Variants in MORN1 observed in about 807,000 individuals in gnomAD.
The protein encoded by MORN1 is MORN repeat-containing protein 1.
MORN1 carries 67 observed loss-of-function variants against 61.9 expected under a neutral mutation model. The observed-to-expected ratio is 1.08, with a 90% CI of 0.89 to 1.33. The LOEUF (loss-of-function observed/expected upper bound fraction) is 1.33, where lower values mean the gene tolerates loss of function less well. Ranked by LOEUF, MORN1 falls within the 40% of genes most tolerant of loss-of-function variation. The pLI is 0.00. For missense variants in MORN1, 752 were observed against 691.2 expected, an observed-to-expected ratio of 1.09 and a Z score of -0.99; for synonymous variants, 301 against 292.0, an observed-to-expected ratio of 1.03 and a Z score of -0.31.
At chr1:2,340,942 C>A (rs553985149) in intron 10 of MORN1, among the ~76,000 whole-genome samples, 1 of 152,370 alleles carries the variant, frequency 6.6e-6, no homozygotes, top group African/African-American at 2.4e-5. Flanking sequence ...AAACATGGGG[C>A]CCATAGTGCA....
chr1:2,336,978 C>A, intron 10 of MORN1, 128 bp from the exon 11 acceptor site: 1 of 1,115,078 alleles, frequency 9.0e-7, no homozygotes. Flanking sequence ...GCGATGCCAT[C>A]TTGGTGGGGG....
At chr1:2,331,855 C>G (rs142944634) in intron 12 of MORN1, among the ~76,000 whole-genome samples, 9,392 of 99,216 alleles carry the variant, frequency 0.095, 11 homozygotes, top group South Asian at 0.11. Flanking sequence ...CTCTCCCGCC[C>G]CTGCGCCTCT....
chr1:2,345,250 G>A (rs1487801570), intron 10 of MORN1, among the ~76,000 whole-genome samples: 1 of 152,246 alleles, frequency 6.6e-6, no homozygotes, highest in Non-Finnish European at 1.5e-5. Context: ...GGGTCTGTCT[G>A]TGCCCCGGCA....
intron 8 of MORN1, among the ~76,000 whole-genome samples, chr1:2,362,325 G>C (rs147203404): frequency 1.3e-5 from 2 of 152,210 alleles, no homozygotes. Flanking sequence ...ACACTGAGGA[G>C]GAGGAGGAAG....
At position 2,327,859 on chromosome 1, in the gene MORN1, A is replaced by T. The variant is rs564214774; in HGVS notation, c.1251-3716T>A. Among the ~76,000 whole-genome samples, 50 of 152,378 alleles carry T rather than the reference A, an allele frequency of 3.3e-4. No individual in the cohort carries two copies. In the South Asian group the frequency reaches 8.5e-3, roughly 26 times the overall value. Reference sequence around the variant, plus strand: ...CTGACGGGTGAGGGCCGCTTTCCCAAGGCCCCGCATCGCGCCTCGGCGTCC... The same window carrying T: ...CTGACGGGTGAGGGCCGCTTTCCCATGGCCCCGCATCGCGCCTCGGCGTCC... On this transcript the variant is annotated intron_variant, in intron 12 of 13. Transcript: ENST00000378531.
chr1:2,330,338 G>A (rs1172745383), intron 12 of MORN1, among the ~76,000 whole-genome samples: 1 of 152,230 alleles, frequency 6.6e-6, no homozygotes, highest in East Asian at 1.9e-4. Flanking sequence ...GGTGGCTGCT[G>A]GCTCCAAGGC....
At chr1:2,345,785 T>G (rs974229670) in intron 10 of MORN1, among the ~76,000 whole-genome samples, 2 of 151,970 alleles carry the variant, frequency 1.3e-5, no homozygotes, top group Non-Finnish European at 2.9e-5. Flanking sequence ...TCACAGGCCC[T>G]GCCAGGGGAA....
intron 10 of MORN1, among the ~76,000 whole-genome samples, chr1:2,349,177 T>C (rs1641595575): frequency 6.6e-6 from 1 of 152,152 alleles, no homozygotes; most frequent in African/African-American, 2.4e-5. Context: ...ACTGAATTGT[T>C]CCAGGCGGGA....
chr1:2,344,127 T>A lies in MORN1; in HGVS notation c.1037-7277A>T, dbSNP rs190390244. The stretch of plus-strand genomic sequence containing the variant: ...CACCAGAATCAGGCCACAAATGCCC[T>A]ACAAAGCAGAGAATGTGAGTCCCCA... On this transcript the variant is annotated intron_variant, in intron 10 of 13. Transcript: ENST00000378531. Among the ~76,000 whole-genome samples, 33 of 152,292 alleles carry A rather than the reference T, an allele frequency of 2.2e-4. No homozygotes were observed. In the East Asian group the frequency reaches 3.7e-3, roughly 17 times the overall value.
chr1:2,390,772 T>C (rs1642633723), intron 1 of MORN1: 39 of 977,860 alleles, frequency 4.0e-5, no homozygotes, highest in Non-Finnish European at 4.6e-5. Context: ...TTTTTGAGAC[T>C]GAGTCTTGCT....
chr1:2,343,769 C>A (rs1175460842), intron 10 of MORN1, among the ~76,000 whole-genome samples: 1 of 152,222 alleles, frequency 6.6e-6, no homozygotes, highest in Non-Finnish European at 1.5e-5. Context: ...TTCCCGGGGA[C>A]TGGCTGCCTC....
At position 2,321,404 on chromosome 1, in the gene MORN1, TG is replaced by T; in HGVS notation, c.1472del (p.Pro491GlnfsTer19). 1 of 1,534,650 alleles carries T rather than the reference TG, an allele frequency of 6.5e-7. No individual in the cohort carries two copies. The highest frequency in any genetic ancestry group is 8.8e-7 in the Non-Finnish European group (1 of 1,140,112). On this transcript the variant is annotated frameshift_variant, in exon 14 of 14. Coordinates refer to ENST00000378531, the MANE Select transcript of MORN1 (RefSeq NM_024848.3). LOFTEE classifies it high-confidence loss of function. ...SSWQAAHSCT[P>X]EPPAPR ...GGCCTCACCGAGGCGCTGGCGGCTCTGGGGTGCAGCTGTGGGCGGCCTGCCA... is the reference window on the plus strand; with the variant it reads ...GGCCTCACCGAGGCGCTGGCGGCTCTGGGTGCAGCTGTGGGCGGCCTGCCA...
Position 2,385,048 on chromosome 1 carries a change from T to A in MORN1, c.467A>T (p.Asp156Val), listed in dbSNP as rs1343161316. Residue 156 changes from aspartate to valine, a missense_variant, in exon 6 of 14, where the codon GAC becomes GTC. By Grantham distance (152) the Asp-to-Val change is radical. Transcript: ENST00000378531. ...ACGCCGGTCCCGGACCCAGTCGCCG[T>A]CGTACTTGTCACCGTTCCTGGGGGA... Reference protein sequence around the residue: ...QMLFQNGDKYDGDWVRDRRQG... With the variant: ...QMLFQNGDKYVGDWVRDRRQG... The A allele has an allele frequency of 1.3e-6, 2 of 1,596,286 alleles. No individual in the cohort carries two copies. Among genetic ancestry groups the A allele is most frequent in the South Asian group, 1.1e-5 (1 of 88,272 alleles).
intron 3 of MORN1, chr1:2,387,814 T>C: frequency 2.2e-6 from 1 of 458,376 alleles, no homozygotes; most frequent in Non-Finnish European, 4.0e-6. Context: ...GGGTGAGGTT[T>C]TTCCCTGGCT....
At chr1:2,381,891 C>T (rs1642379178) in intron 6 of MORN1, among the ~76,000 whole-genome samples, 1 of 152,230 alleles carries the variant, frequency 6.6e-6, no homozygotes, top group South Asian at 2.1e-4. Context: ...AGGCCCGGGC[C>T]AGTGTGGTGC....
At chr1:2,325,279 C>G (rs1459590390) in intron 12 of MORN1, among the ~76,000 whole-genome samples, 1 of 101,586 alleles carries the variant, frequency 9.8e-6, no homozygotes, top group Non-Finnish European at 1.9e-5. Flanking sequence ...CTCTCTTTCT[C>G]TCTCTCTCCT....
intron 6 of MORN1, chr1:2,376,735 G>C (rs1481441276): frequency 6.6e-6 from 1 of 152,216 alleles, no homozygotes; most frequent in Non-Finnish European, 1.5e-5. Context: ...TGGTGTCCGG[G>C]TGGGAGGGCT....
chr1:2,325,680 G>A (rs904108458), intron 12 of MORN1, among the ~76,000 whole-genome samples: 3 of 144,222 alleles, frequency 2.1e-5, no homozygotes, highest in African/African-American at 7.9e-5. Context: ...TAGAGACAGG[G>A]TCTCACTCTG....
intron 6 of MORN1, among the ~76,000 whole-genome samples, chr1:2,380,317 C>A (rs772489673): frequency 1.3e-5 from 2 of 152,120 alleles, no homozygotes; most frequent in Non-Finnish European, 2.9e-5. Context: ...GAAATGTGCC[C>A]GTGCCTCCTG....
Sources: allele counts gnomAD v4.1 joint callset (sites outside exome capture counted in the v4.1 genomes callset), GRCh38; gene constraint gnomAD v4.1.1; transcripts MANE v1.5; gene names NCBI Gene and HGNC (gene_info 2026-07-23, HGNC 2026-07-21).